The following ATOSA variants were observed in gnomAD, a reference collection of about 807,000 sequenced individuals.
ATOSA encodes the protein atos homolog A, also known as atos homolog protein A.
chr15:52,663,326 A>T, the ATOSA span, among the ~76,000 whole-genome samples: 1,553 of 152,282 alleles, frequency 0.01, 25 homozygotes, highest in African/African-American at 0.036. Context: ...ATTCCCTATG[A>T]CCTTTGATAG....
the ATOSA span, among the ~76,000 whole-genome samples, chr15:52,685,851 C>T: frequency 6.6e-6 from 1 of 152,154 alleles, no homozygotes; most frequent in Non-Finnish European, 1.5e-5. Flanking sequence ...AGGCCTACAG[C>T]CGCCCATCAC....
the ATOSA span, among the ~76,000 whole-genome samples, chr15:52,679,755 TCTCCTCCTCCTCCTCCTCCTC>T: frequency 7.1e-5 from 4 of 56,210 alleles, no homozygotes; most frequent in Admixed American, 2.0e-4. Context: ...ATAGTCGTCG[TCTCCTCCTCCTCCTCCTCCTC>T]CTCCTCCTCC....
At chr15:52,671,396 T>C in the ATOSA span, among the ~76,000 whole-genome samples, 11 of 152,200 alleles carry the variant, frequency 7.2e-5, no homozygotes, top group East Asian at 1.9e-3. Flanking sequence ...GCTGCTCCTA[T>C]TCCTATCTGC....
chr15:52,660,224 TA>T, the ATOSA span, among the ~76,000 whole-genome samples: 468 of 152,270 alleles, frequency 3.1e-3, 3 homozygotes, highest in African/African-American at 0.011. Flanking sequence ...CTGTGACAGG[TA>T]TGAGGAAAAC....
chr15:52,606,297 A>C, the ATOSA span, among the ~76,000 whole-genome samples: 273 of 152,288 alleles, frequency 1.8e-3, 1 homozygote, highest in East Asian at 0.025. Context: ...GTGATACAAG[A>C]AACAGGCTAA....
the ATOSA span, among the ~76,000 whole-genome samples, chr15:52,663,189 C>G: frequency 5.3e-5 from 8 of 152,194 alleles, no homozygotes; most frequent in Admixed American, 3.3e-4. Flanking sequence ...TCCTTCCATT[C>G]CCTTCCCTGC....
chr15:52,639,597 A>G, the ATOSA span, among the ~76,000 whole-genome samples: 29 of 152,202 alleles, frequency 1.9e-4, no homozygotes, highest in African/African-American at 5.8e-4. Context: ...AAAATAGCTG[A>G]AAAAACAGTT....
At chr15:52,699,662 G>C in the ATOSA span, among the ~76,000 whole-genome samples, 1,668 of 151,828 alleles carry the variant, frequency 0.011, 27 homozygotes, top group African/African-American at 0.038. Flanking sequence ...CTCTGTGGTG[G>C]TAAACAGGGC....
the ATOSA span, among the ~76,000 whole-genome samples, chr15:52,597,189 TATTC>T: frequency 2.0e-5 from 3 of 149,668 alleles, no homozygotes; most frequent in Non-Finnish European, 3.0e-5. Context: ...TATTCTATTC[TATTC>T]TATTCTATTC....
At chr15:52,629,077 T>C in the ATOSA span, among the ~76,000 whole-genome samples, 1 of 152,342 alleles carries the variant, frequency 6.6e-6, no homozygotes, top group Non-Finnish European at 1.5e-5. Flanking sequence ...AGTGTCCATA[T>C]TCCCTTCCTG....
chr15:52,704,158 G>A, the ATOSA span, among the ~76,000 whole-genome samples: 2 of 152,044 alleles, frequency 1.3e-5, no homozygotes, highest in Non-Finnish European at 2.9e-5. Context: ...CCAAAACAGA[G>A]ATATAGACCA....
At chr15:52,634,275 A>T in the ATOSA span, among the ~76,000 whole-genome samples, 236 of 152,278 alleles carry the variant, frequency 1.5e-3, no homozygotes, top group African/African-American at 5.6e-3. Context: ...TACTAAAAAT[A>T]CAAAAATTAG....
At chr15:52,653,312 C>T in the ATOSA span, among the ~76,000 whole-genome samples, 4 of 152,064 alleles carry the variant, frequency 2.6e-5, no homozygotes, top group African/African-American at 4.8e-5. Flanking sequence ...TCATATCAGA[C>T]CCAGAATCCA....
the ATOSA span, among the ~76,000 whole-genome samples, chr15:52,687,210 C>G: frequency 6.6e-6 from 1 of 152,152 alleles, no homozygotes; most frequent in Non-Finnish European, 1.5e-5. Context: ...TCGAGACCAT[C>G]CTGGCTAACA....
At chr15:52,603,572 T>C in the ATOSA span, among the ~76,000 whole-genome samples, 3 of 143,858 alleles carry the variant, frequency 2.1e-5, no homozygotes, top group Non-Finnish European at 4.5e-5. Context: ...AGCCAAGATA[T>C]GGAAGCAACC....
At chr15:52,611,516 A>G in the ATOSA span, 4 of 1,518,548 alleles carry the variant, frequency 2.6e-6, no homozygotes, top group East Asian at 2.3e-5. Context: ...ATAATTTATA[A>G]GAAGTAATGG....
chr15:52,624,077 C>T, the ATOSA span, among the ~76,000 whole-genome samples: 1 of 152,088 alleles, frequency 6.6e-6, no homozygotes, highest in African/African-American at 2.4e-5. Context: ...AAACAGTTAC[C>T]TAGTTAGGTT....
chr15:52,595,709 C>T, the ATOSA span, among the ~76,000 whole-genome samples: 2 of 152,272 alleles, frequency 1.3e-5, no homozygotes, highest in East Asian at 3.9e-4. Flanking sequence ...AACACACACA[C>T]ACATACATTC....
chr15:52,707,304 G>A, the ATOSA span, among the ~76,000 whole-genome samples: 1 of 152,040 alleles, frequency 6.6e-6, no homozygotes, highest in African/African-American at 2.4e-5. Flanking sequence ...AATACACAGT[G>A]GAAAAAATAG....
Sources: gnomAD v4.1 joint callset for allele counts (sites outside exome capture counted in the v4.1 genomes callset) on GRCh38, gnomAD v4.1.1 for gene constraint, MANE v1.5 for transcripts, NCBI Gene and HGNC (gene_info 2026-07-23, HGNC 2026-07-21) for gene names.